The following NUDCD3 variants were observed in gnomAD, a reference collection of about 807,000 sequenced individuals.
The protein encoded by NUDCD3 is nudC domain-containing protein 3.
A neutral mutation model predicts 39.7 loss-of-function variants in NUDCD3; 13 were observed. That is an observed-to-expected ratio of 0.33 (90% CI 0.21 to 0.52). NUDCD3 has a LOEUF of 0.52. NUDCD3 is among the 20% of genes least tolerant of loss of function. The pLI is 0.96. For synonymous variants in NUDCD3, 175 were observed against 172.4 expected (o/e 1.02, Z -0.12); for missense variants, 453 against 458.1 (o/e 0.99, Z 0.10).
At chr7:44,434,066 T>C (rs1799420193) in intron 2 of NUDCD3, among the ~76,000 whole-genome samples, 1 of 152,198 alleles carries the variant, frequency 6.6e-6, no homozygotes, top group African/African-American at 2.4e-5. Context: ...ATTATAAAAA[T>C]GACCCATCCT....
chr7:44,390,246 C>A (rs1392261481), intron 5 of NUDCD3, among the ~76,000 whole-genome samples: 1 of 152,098 alleles, frequency 6.6e-6, no homozygotes, highest in Non-Finnish European at 1.5e-5. Flanking sequence ...CGCCTGTAGT[C>A]CCAGCTACTC....
At chr7:44,477,169 C>T (rs1310649707) in intron 2 of NUDCD3, among the ~76,000 whole-genome samples, 1 of 152,134 alleles carries the variant, frequency 6.6e-6, no homozygotes, top group Non-Finnish European at 1.5e-5. Flanking sequence ...TAGATTGTTC[C>T]ATGACACCCT....
At chr7:44,403,698 T>C (rs908418224) in intron 4 of NUDCD3, among the ~76,000 whole-genome samples, 1 of 152,236 alleles carries the variant, frequency 6.6e-6, no homozygotes, top group African/African-American at 2.4e-5. Context: ...CTTTATTGCA[T>C]ACTTTGCACA....
intron 3 of NUDCD3, chr7:44,425,840 T>G (rs1799223252): frequency 6.6e-6 from 1 of 152,208 alleles, no homozygotes; most frequent in South Asian, 2.1e-4. Flanking sequence ...CACTCCAGCC[T>G]GAGTGACAGA....
chr7:44,426,671 C>G (rs1464238979), intron 3 of NUDCD3, among the ~76,000 whole-genome samples: 1 of 151,320 alleles, frequency 6.6e-6, no homozygotes, highest in Non-Finnish European at 1.5e-5. Context: ...TGGCGGGCGC[C>G]TGTAGTCCCA....
chr7:44,421,405 T>G (rs1287536105), intron 3 of NUDCD3, among the ~76,000 whole-genome samples: 2 of 145,832 alleles, frequency 1.4e-5, no homozygotes, highest in African/African-American at 5.1e-5. Flanking sequence ...TGTGCTGTAT[T>G]CAGGAGACCC....
At chr7:44,461,280 C>T (rs1800006687) in intron 2 of NUDCD3, among the ~76,000 whole-genome samples, 1 of 152,170 alleles carries the variant, frequency 6.6e-6, no homozygotes, top group African/African-American at 2.4e-5. Context: ...GGGATTGCAA[C>T]AGTTTGTCCA....
chr7:44,393,408 G>A (rs1798557302), intron 4 of NUDCD3, among the ~76,000 whole-genome samples: 1 of 152,154 alleles, frequency 6.6e-6, no homozygotes, highest in Admixed American at 6.5e-5. Flanking sequence ...GGTGACCCTG[G>A]CTGCTTGGCC....
intron 3 of NUDCD3, among the ~76,000 whole-genome samples, chr7:44,418,763 A>G (rs1174116087): frequency 1.3e-5 from 2 of 152,224 alleles, no homozygotes; most frequent in Admixed American, 1.3e-4. Context: ...CAGCGGGTGC[A>G]GCCCACAGAG....
intron 3 of NUDCD3, among the ~76,000 whole-genome samples, chr7:44,415,841 G>A (rs184940299): frequency 1.3e-5 from 2 of 152,262 alleles, no homozygotes; most frequent in Admixed American, 6.5e-5. Context: ...GGTTACCATC[G>A]TGACAATGTC....
intron 3 of NUDCD3, among the ~76,000 whole-genome samples, chr7:44,405,628 A>AAT (rs1798804924): frequency 6.6e-6 from 1 of 152,226 alleles, no homozygotes; most frequent in Non-Finnish European, 1.5e-5. Flanking sequence ...GGCTCATTAA[A>AAT]CGCTTATAAA....
At chr7:44,417,013 GT>G (rs1430981609) in intron 3 of NUDCD3, among the ~76,000 whole-genome samples, 1 of 152,138 alleles carries the variant, frequency 6.6e-6, no homozygotes, top group Non-Finnish European at 1.5e-5. Flanking sequence ...CCACTTTTAG[GT>G]TCTATACGGC....
chr7:44,386,232 G>A (rs1585046146), intron 5 of NUDCD3, 111 bp from the exon 6 acceptor site: 5 of 1,197,342 alleles, frequency 4.2e-6, no homozygotes, highest in Non-Finnish European at 4.8e-6. Context: ...CAGGGCTCAG[G>A]CACTTGCCTG....
chr7:44,437,336 G>A (rs1313998879), intron 2 of NUDCD3, among the ~76,000 whole-genome samples: 1 of 152,068 alleles, frequency 6.6e-6, no homozygotes, highest in African/African-American at 2.4e-5. Flanking sequence ...CCAAAGTGCT[G>A]GGATTACAGG....
At chr7:44,417,219 G>C (rs1799045320) in intron 3 of NUDCD3, among the ~76,000 whole-genome samples, 1 of 152,210 alleles carries the variant, frequency 6.6e-6, no homozygotes, top group South Asian at 2.1e-4. Context: ...GGTGATAGTA[G>C]AGCCACATCA....
chr7:44,443,729 C>G (rs961898404), intron 2 of NUDCD3, among the ~76,000 whole-genome samples: 6 of 152,154 alleles, frequency 3.9e-5, no homozygotes, highest in Non-Finnish European at 7.4e-5. Context: ...CACAGGACTT[C>G]TAAGAGCTGG....
intron 2 of NUDCD3, among the ~76,000 whole-genome samples, chr7:44,438,583 C>G (rs949090368): frequency 6.6e-6 from 1 of 150,384 alleles, no homozygotes; most frequent in Non-Finnish European, 1.5e-5. Flanking sequence ...CCACCCCACC[C>G]CACACCCAGT....
chr7:44,488,898 T>C (rs914884026), intron 1 of NUDCD3, among the ~76,000 whole-genome samples: 2 of 152,160 alleles, frequency 1.3e-5, no homozygotes, highest in Admixed American at 6.5e-5. Flanking sequence ...GACCAACCTC[T>C]CAGGTTATAT....
intron 2 of NUDCD3, among the ~76,000 whole-genome samples, chr7:44,443,796 T>C (rs1272032918): frequency 1.3e-5 from 2 of 152,202 alleles, no homozygotes; most frequent in Non-Finnish European, 2.9e-5. Context: ...GCCCAGGTGC[T>C]GCTCGGGATA....
Sources: gnomAD v4.1 joint callset for allele counts (sites outside exome capture counted in the v4.1 genomes callset) on GRCh38, gnomAD v4.1.1 for gene constraint, MANE v1.5 for transcripts, NCBI Gene and HGNC (gene_info 2026-07-23, HGNC 2026-07-21) for gene names.